The following UNC79 variants were observed in gnomAD, a reference collection of about 807,000 sequenced individuals.
The protein encoded by UNC79 is protein unc-79 homolog.
A neutral mutation model predicts 283.1 loss-of-function variants in UNC79; 37 were observed. The observed-to-expected ratio is 0.13, with a 90% CI of 0.10 to 0.17. The LOEUF is 0.17. Among genes scored for constraint, UNC79 ranks in the 10% least tolerant of loss-of-function variants. The probability of loss-of-function intolerance (pLI) is 1.00; values close to 1 mark genes in which losing one functional copy is unlikely to be tolerated. For missense variants in UNC79, 2,272 were observed against 3,211.1 expected (o/e 0.71, Z 7.07); for synonymous variants, 1,107 against 1,200.2 (o/e 0.92, Z 1.61).
At chr14:93,350,367 AAAT>A (rs1238158859) in intron 1 of UNC79, among the ~76,000 whole-genome samples, 27 of 152,252 alleles carry the variant, frequency 1.8e-4, no homozygotes, top group South Asian at 6.2e-4. Context: ...GATTGTTTAA[AAAT>A]AATAATTTTA....
At chr14:93,618,015 G>C (rs918379157) in intron 28 of UNC79, among the ~76,000 whole-genome samples, 177 bp from the exon 30 acceptor site, 1 of 152,110 alleles carries the variant, frequency 6.6e-6, no homozygotes, top group Non-Finnish European at 1.5e-5. Context: ...GTGAGACCCT[G>C]TCTCTAACTA....
At chr14:93,561,338 G>T (rs1043215893) in intron 14 of UNC79, among the ~76,000 whole-genome samples, 2 of 152,134 alleles carry the variant, frequency 1.3e-5, no homozygotes, top group African/African-American at 4.8e-5. Context: ...TTTAAAGTAA[G>T]TGTGGAGGAG....
intron 1 of UNC79, among the ~76,000 whole-genome samples, chr14:93,408,097 G>A (rs2055263904): frequency 6.6e-6 from 1 of 152,172 alleles, no homozygotes; most frequent in Non-Finnish European, 1.5e-5. Context: ...AAAAAACACA[G>A]TCTGAAAAGA....
chr14:93,440,452 A>G (rs1296978516), intron 1 of UNC79, among the ~76,000 whole-genome samples: 1 of 149,536 alleles, frequency 6.7e-6, no homozygotes, highest in African/African-American at 2.5e-5. Flanking sequence ...AGTTTTTATT[A>G]TTAATTTCTG....
rs542775487 is a variant in UNC79 at position 93,461,474 on chromosome 14, A to T, written c.23-6197A>T. 5.3e-5 allele frequency among the ~76,000 whole-genome samples: 8 copies of T among 152,278 alleles called. No individual in the cohort carries two copies. The South Asian group carries it at 6.2e-4, about 12-fold the overall frequency. ...CCGTAAAATATCAAACAGAGATTAA[A>T]TTTGTGTATGCACAGACCTCTTTTG... is the stretch of plus-strand genomic sequence containing the variant. On this transcript the variant is annotated intron_variant, in intron 1 of 48. Coordinates refer to ENST00000555664, the Ensembl canonical transcript of UNC79.
At chr14:93,493,903 T>TA (rs1566998707) in intron 5 of UNC79, among the ~76,000 whole-genome samples, 247 of 89,504 alleles carry the variant, frequency 2.8e-3, no homozygotes, top group East Asian at 0.02. Flanking sequence ...ATATATATAT[T>TA]TTTTTTTTTT....
At chr14:93,686,914 C>A (rs755432203) in intron 43 of UNC79, among the ~76,000 whole-genome samples, 2 of 152,184 alleles carry the variant, frequency 1.3e-5, no homozygotes, top group Non-Finnish European at 2.9e-5. Context: ...TCTCACAATA[C>A]CTCTGTTAAG....
chr14:93,586,629 A>G (rs1275073181), exon 21 of UNC79: 3 of 1,613,942 alleles, frequency 1.9e-6, no homozygotes, highest in African/African-American at 2.7e-5. Flanking sequence ...AAATTTTGCT[A>G]CCAACAGCTT....
At chr14:93,619,332 T>C (rs925041518) in intron 29 of UNC79, among the ~76,000 whole-genome samples, 11 of 152,240 alleles carry the variant, frequency 7.2e-5, no homozygotes, top group African/African-American at 2.7e-4. Context: ...GTGGGCTTAG[T>C]GTTTGGGCCA....
rs140007069 is a variant in UNC79 at position 93,560,097 on chromosome 14, C to T, written c.1756-11797C>T. On this transcript the variant is annotated intron_variant, in intron 14 of 48. Coordinates refer to ENST00000555664, the Ensembl canonical transcript of UNC79. ...AGAATGATTGGTGATGGCCTGGATA[C>T]GGTTTTGGATTAATTGAGAAACTAA... Among the ~76,000 whole-genome samples the T allele has an allele frequency of 2.9e-3, 433 of 151,840 alleles. 3 individuals carry two copies. Among genetic ancestry groups the T allele is most frequent in the Admixed American group, 5.0e-3 (76 of 15,284 alleles).
intron 2 of UNC79, among the ~76,000 whole-genome samples, chr14:93,468,424 T>C (rs931345396): frequency 1.3e-5 from 2 of 152,232 alleles, no homozygotes; most frequent in East Asian, 3.8e-4. Flanking sequence ...AAAGGCTCAG[T>C]TGTTTTCAGA....
intron 30 of UNC79, among the ~76,000 whole-genome samples, chr14:93,624,223 A>T (rs1373289896): frequency 6.6e-6 from 1 of 152,110 alleles, no homozygotes. Context: ...AGCTCCTAGG[A>T]CAGAGCTGTC....
At chr14:93,686,485 T>C in intron 42 of UNC79, 87 bp from the exon 46 acceptor site, 1 of 1,409,510 alleles carries the variant, frequency 7.1e-7, no homozygotes, top group Non-Finnish European at 1.0e-6. Flanking sequence ...AACGACTCCT[T>C]AGTAAACAAC....
chr14:93,461,419 G>T (rs552836456), intron 1 of UNC79, among the ~76,000 whole-genome samples: 2 of 152,272 alleles, frequency 1.3e-5, no homozygotes, highest in African/African-American at 4.8e-5. Context: ...AAGTAGCAAA[G>T]CTCCCAAGAA....
exon 12 of UNC79, chr14:93,538,052 C>T: frequency 1.9e-6 from 3 of 1,614,140 alleles, no homozygotes; most frequent in South Asian, 1.1e-5. Context: ...CTGTGGTCGT[C>T]ACGGAAACAG....
intron 2 of UNC79, among the ~76,000 whole-genome samples, chr14:93,468,848 T>C (rs1043273283): frequency 2.6e-5 from 4 of 152,242 alleles, no homozygotes; most frequent in Non-Finnish European, 4.4e-5. Context: ...ATTTCATACT[T>C]GCACGGTAAG....
chr14:93,485,384 C>T (rs1174834304), intron 4 of UNC79, among the ~76,000 whole-genome samples: 5 of 151,740 alleles, frequency 3.3e-5, no homozygotes, highest in African/African-American at 1.2e-4. Flanking sequence ...TCTTATTTCT[C>T]GTCCCTCTAA....
downstream of UNC79, chr14:93,707,241 T>C (rs1171167096): frequency 4.5e-6 from 1 of 223,902 alleles, no homozygotes; most frequent in Non-Finnish European, 8.7e-6. Context: ...GTTGCTATTT[T>C]TGATGATAGA....
chr14:93,334,423 T>G (rs1043939907), intron 1 of UNC79: 2 of 152,228 alleles, frequency 1.3e-5, no homozygotes, highest in African/African-American at 4.8e-5. Context: ...TAAGGGTCAC[T>G]TCAGTTGAAC....
Sources: gnomAD v4.1 joint callset for allele counts (sites outside exome capture counted in the v4.1 genomes callset) on GRCh38, gnomAD v4.1.1 for gene constraint, MANE v1.5 for transcripts, NCBI Gene and HGNC (gene_info 2026-07-23, HGNC 2026-07-21) for gene names.